The following BTN3A1 variants were observed in gnomAD, a reference collection of about 807,000 sequenced individuals.
BTN3A1 encodes butyrophilin subfamily 3 member A1.
BTN3A1 carries 24 observed loss-of-function variants against 43.0 expected under a neutral mutation model. That is an observed-to-expected ratio of 0.56 (90% CI 0.40 to 0.78). The LOEUF (loss-of-function observed/expected upper bound fraction) is 0.78, where lower values mean the gene tolerates loss of function less well. Among genes scored for constraint, BTN3A1 ranks in the 30% least tolerant of loss-of-function variants. The pLI, the probability that BTN3A1 is intolerant of heterozygous loss-of-function variation, is 0.00. For synonymous variants in BTN3A1, 181 were observed against 234.7 expected (o/e 0.77, Z 2.09); for missense variants, 533 against 626.2 (o/e 0.85, Z 1.59).
chr6:26,412,399 A>T (rs1762249880), intron 9 of BTN3A1: 9 of 867,576 alleles, frequency 1.0e-5, no homozygotes, highest in Non-Finnish European at 1.7e-5. Context: ...TTCTCCTTCC[A>T]ATCTCCTATC....
intron 7 of BTN3A1, among the ~76,000 whole-genome samples, chr6:26,410,755 A>ACATATATATGTG: frequency 6.7e-6 from 1 of 150,204 alleles, no homozygotes. Flanking sequence ...ACATATATAC[A>ACATATATATGTG]CATATATATG....
At chr6:26,411,741 C>A in intron 9 of BTN3A1, 160 bp downstream of exon 9, 3 of 867,382 alleles carry the variant, frequency 3.5e-6, no homozygotes, top group Non-Finnish European at 5.3e-6. Context: ...AAAGTGGGCC[C>A]ATCTCCAAGA....
intron 3 of BTN3A1, among the ~76,000 whole-genome samples, chr6:26,406,668 C>A (rs1762029993): frequency 6.6e-6 from 1 of 152,162 alleles, no homozygotes; most frequent in African/African-American, 2.4e-5. Context: ...TGCCAATGTT[C>A]TTGAGCCAAT....
At chr6:26,411,179 A>G (rs1762205330) in intron 8 of BTN3A1, 44 bp downstream of exon 8, 1 of 1,594,918 alleles carries the variant, frequency 6.3e-7, no homozygotes, top group Admixed American at 1.8e-5. Flanking sequence ...GACACGTGCC[A>G]TGAACATTTC....
At position 26,402,350 on chromosome 6, in the gene BTN3A1, A is replaced by G. The variant is rs1442207238; in HGVS notation, c.-255A>G. 6.6e-6 allele frequency: 1 copy of G among 152,214 alleles called. No homozygotes were observed. The highest frequency in any genetic ancestry group is 2.4e-5 in the African/African-American group (1 of 41,454). The allele number at this position is 152,214 out of a possible 1,614,324, so 9.4% of individuals were successfully genotyped here. A position where few individuals can be genotyped will look rare whatever the true frequency, so the allele number is the denominator to read the frequency against. Reference sequence around the variant, plus strand: ...AAGGAGATTTAACCATAGTAGAAAGAATGGAGAACTATTAACTGCCTTTCT... The same window carrying G: ...AAGGAGATTTAACCATAGTAGAAAGGATGGAGAACTATTAACTGCCTTTCT... On this transcript the variant is annotated 5_prime_UTR_variant, in exon 1 of 10. Transcript: ENST00000289361.
chr6:26,412,119 T>C (rs1762241068), intron 9 of BTN3A1: 1 of 322,304 alleles, frequency 3.1e-6, no homozygotes, highest in Non-Finnish European at 5.7e-6. Flanking sequence ...AGATGATGAG[T>C]TCAAACTGCG....
At chr6:26,411,439 G>A in intron 8 of BTN3A1, 116 bp from the exon 9 acceptor site, 2 of 1,316,216 alleles carry the variant, frequency 1.5e-6, no homozygotes, top group African/African-American at 1.5e-5. Context: ...GAGGGAGGCT[G>A]GACCCTGGAA....
Position 26,415,125 on chromosome 6 carries a change from T to C in BTN3A1, c.*1433T>C, listed in dbSNP as rs2113817723. The C allele has an allele frequency of 6.6e-6, 1 of 152,282 alleles. No homozygotes were observed. Among genetic ancestry groups the C allele is most frequent in the Non-Finnish European group, 1.5e-5 (1 of 68,032 alleles). The allele number at this position is 152,282 out of a possible 1,614,324, so 9.4% of individuals were successfully genotyped here. A position where few individuals can be genotyped will look rare whatever the true frequency, so the allele number is the denominator to read the frequency against. The stretch of plus-strand genomic sequence containing the variant: ...AAAAACTACTCCTCATTATCATCAT[T>C]ATTATTGCTCTCCACTGTATCCCCT... On this transcript the variant is annotated 3_prime_UTR_variant, in exon 10 of 10. Coordinates refer to ENST00000289361, the MANE Select transcript of BTN3A1 (RefSeq NM_007048.6).
At chr6:26,409,256 G>A (rs1265310598) in intron 4 of BTN3A1, among the ~76,000 whole-genome samples, 2 of 152,148 alleles carry the variant, frequency 1.3e-5, no homozygotes, top group Admixed American at 6.5e-5. Flanking sequence ...CTATTAAAAA[G>A]TTGAATTAGA....
rs1385127723 is a variant in BTN3A1 at position 26,413,369 on chromosome 6, T to A, written c.1219T>A (p.Trp407Arg). Residue 407 changes from tryptophan to arginine, a missense_variant, in exon 10 of 10, where the codon TGG (tryptophan) becomes AGG (arginine). Around this residue, in one of 4 missense-constraint regions of BTN3A1, gnomAD observed 415 missense variants for 427.0 expected, o/e 0.97. Transcript: ENST00000289361. ...WEVEVGDRKE[W>R]HIGVCSKNVQ... The stretch of plus-strand genomic sequence containing the variant: ...GGTGGAGGTAGGGGACAGGAAAGAG[T>A]GGCATATAGGGGTGTGCAGTAAGAA... 1 of 1,613,840 alleles carries A rather than the reference T, an allele frequency of 6.2e-7. No individual in the cohort carries two copies. Among genetic ancestry groups the A allele is most frequent in the South Asian group, 1.1e-5 (1 of 91,056 alleles).
intron 8 of BTN3A1, 61 bp from the exon 9 acceptor site, chr6:26,411,494 T>C: frequency 1.3e-6 from 2 of 1,554,148 alleles, no homozygotes; most frequent in Non-Finnish European, 1.8e-6. Flanking sequence ...GAGGGGAGAG[T>C]GCAGTGGGGA....
rs1250191434 is a variant in BTN3A1, at chr6:26,414,013, T to C, written c.*321T>C. 1.6e-4 allele frequency: 61 copies of C among 378,090 alleles called. No homozygotes were observed. The highest frequency in any genetic ancestry group is 1.3e-3 in the South Asian group (58 of 43,026). 23.4% of individuals were successfully genotyped at this position (378,090 alleles called of 1,614,324 possible). On this transcript the variant is annotated 3_prime_UTR_variant, in exon 10 of 10. Transcript: ENST00000289361. ...GCAGAAAAGTGAATTGACTACAAAG[T>C]AGACATGACTAGTTAACAACACAGC... is the stretch of plus-strand genomic sequence containing the variant.
intron 8 of BTN3A1, 140 bp from the exon 9 acceptor site, chr6:26,411,415 T>G (rs545952867): frequency 9.1e-7 from 1 of 1,102,836 alleles, no homozygotes; most frequent in Admixed American, 2.3e-5. Context: ...CCCTGATCCA[T>G]CAGAGCTGTA....
chr6:26,405,342 T>C, intron 1 of BTN3A1, 30 bp from the exon 2 acceptor site: 1 of 599,070 alleles, frequency 1.7e-6, no homozygotes, highest in Non-Finnish European at 3.0e-6. Flanking sequence ...GAATAACAGA[T>C]GTGCATTTCA....
intron 1 of BTN3A1, chr6:26,404,329 A>G (rs1029734146): frequency 8.5e-5 from 13 of 152,258 alleles, no homozygotes; most frequent in African/African-American, 2.4e-4. Context: ...AAGCATTCCA[A>G]TATTTTAAAA....
chr6:26,413,150 T>G lies in BTN3A1; in HGVS notation c.1019-19T>G. On this transcript the variant is annotated intron_variant, in intron 9 of 9. Coordinates refer to ENST00000289361, the MANE Select transcript of BTN3A1 (RefSeq NM_007048.6). ...GAAAAATGGTTGACCTCATGGACACTTCCTCAAACTCTCTGCAGCGGATGT... is the reference window on the plus strand; with the variant it reads ...GAAAAATGGTTGACCTCATGGACACGTCCTCAAACTCTCTGCAGCGGATGT... 1.9e-6 allele frequency: 3 copies of G among 1,595,974 alleles called. No homozygotes were observed. The highest frequency in any genetic ancestry group is 2.6e-6 in the Non-Finnish European group (3 of 1,170,830).
At chr6:26,412,497 T>C in intron 9 of BTN3A1, 2 of 1,548,732 alleles carry the variant, frequency 1.3e-6, no homozygotes, top group Non-Finnish European at 1.7e-6. Context: ...AGAGGACAGA[T>C]TCCTGGGGCC....
intron 1 of BTN3A1, among the ~76,000 whole-genome samples, chr6:26,402,790 A>G (rs1761896099): frequency 1.3e-5 from 2 of 152,360 alleles, no homozygotes; most frequent in Admixed American, 1.3e-4. Flanking sequence ...AGTATTAAAA[A>G]TGTAGAAAAA....
intron 4 of BTN3A1, 32 bp from the exon 5 acceptor site, chr6:26,409,501 G>A (rs41266837): frequency 0.12 from 190,518 of 1,608,132 alleles, 12,357 homozygotes; most frequent in Non-Finnish European, 0.13. Context: ...GAGTGCACCG[G>A]CCCCCATGAC....
Sources: allele counts gnomAD v4.1 joint callset (sites outside exome capture counted in the v4.1 genomes callset), GRCh38; gene constraint gnomAD v4.1.1; regional missense constraint gnomAD v4.1.1; transcripts MANE v1.5; gene names NCBI Gene and HGNC (gene_info 2026-07-23, HGNC 2026-07-21).